Variants in PKD2L2 observed in about 807,000 individuals in gnomAD.
The protein encoded by PKD2L2 is polycystin-2-like protein 2.
PKD2L2 carries 67 observed loss-of-function variants against 83.9 expected under a neutral mutation model. The observed-to-expected ratio is 0.80, with a 90% CI of 0.66 to 0.98. PKD2L2 has a LOEUF of 0.98. Among genes scored for constraint, PKD2L2 ranks in the 50% least tolerant of loss-of-function variants. PKD2L2 has a pLI of 0.00. For missense variants in PKD2L2, 632 were observed against 717.2 expected (o/e 0.88, Z 1.36); for synonymous variants, 223 against 237.8 (o/e 0.94, Z 0.57).
chr5:137,917,013 T>C (rs1758420916), intron 8 of PKD2L2, among the ~76,000 whole-genome samples: 1 of 152,150 alleles, frequency 6.6e-6, no homozygotes, highest in African/African-American at 2.4e-5. Context: ...ATTCATATTG[T>C]TCATCAAACT....
Position 137,899,545 on chromosome 5 carries a change from C to G in PKD2L2, c.554C>G (p.Ser185Cys), listed in dbSNP as rs762411539. 2.5e-6 allele frequency: 4 copies of G among 1,610,734 alleles called. No individual in the cohort carries two copies. In the East Asian group the frequency reaches 6.7e-5, roughly 27 times the overall value. ...EWRYSTSNTN[S>C]PWHWGFLGVY... is the part of the protein sequence containing the mutation. ...AGATATTCTACTTCTAATACCAACT[C>G]CCCTTGGCACTGGGGATTTCTTGGT... The change falls in exon 5 of 15, where the codon TCC becomes TGC. Residue 185 changes from serine to cysteine, a missense_variant. Ser to Cys is a moderately radical substitution (Grantham distance 112, BLOSUM62 -1). Around this residue, in one of 3 missense-constraint regions of PKD2L2, gnomAD observed 229 missense variants for 281.5 expected, o/e 0.81. Coordinates refer to ENST00000508883, the MANE Select transcript of PKD2L2 (RefSeq NM_001300921.2).
intron 14 of PKD2L2, chr5:137,938,484 G>T (rs1760770238): frequency 6.6e-6 from 1 of 152,532 alleles, no homozygotes; most frequent in Admixed American, 6.5e-5. Context: ...CTGCATGATG[G>T]ATTCAAATAA....
intron 8 of PKD2L2, among the ~76,000 whole-genome samples, chr5:137,916,124 C>T (rs1448329451): frequency 1.3e-5 from 2 of 151,624 alleles, no homozygotes; most frequent in Non-Finnish European, 2.9e-5. Context: ...CCCACCTTGG[C>T]GTCCCAAAGT....
chr5:137,940,655 T>A (rs1761432385), intron 14 of PKD2L2, among the ~76,000 whole-genome samples: 1 of 152,160 alleles, frequency 6.6e-6, no homozygotes, highest in Non-Finnish European at 1.5e-5. Flanking sequence ...GGTCTGTGAG[T>A]GTCTATTAAG....
intron 4 of PKD2L2, among the ~76,000 whole-genome samples, chr5:137,899,110 G>GTTTGTTTTTGGT (rs1289018507): frequency 6.6e-6 from 1 of 151,886 alleles, no homozygotes; most frequent in Non-Finnish European, 1.5e-5. Context: ...TTGGTTTTTT[G>GTTTGTTTTTGGT]TTTGTTTTTG....
intron 5 of PKD2L2, among the ~76,000 whole-genome samples, chr5:137,901,704 A>G (rs1362773672): frequency 1.3e-5 from 2 of 152,100 alleles, no homozygotes; most frequent in African/African-American, 4.8e-5. Flanking sequence ...CCCAAACACA[A>G]CATCTCTAAT....
chr5:137,907,953 A>C (rs1330378644), intron 7 of PKD2L2, 41 bp downstream of exon 7: 11 of 841,720 alleles, frequency 1.3e-5, no homozygotes, highest in African/African-American at 1.7e-5. Context: ...AAGCAGTGTA[A>C]TAGCATAATG....
At chr5:137,940,103 A>T in intron 14 of PKD2L2, 1 of 1,614,178 alleles carries the variant, frequency 6.2e-7, no homozygotes, top group Non-Finnish European at 8.5e-7. Flanking sequence ...CACCACAACC[A>T]AGTACAAAAT....
intron 12 of PKD2L2, among the ~76,000 whole-genome samples, chr5:137,928,957 G>T (rs1759611448): frequency 6.6e-6 from 1 of 152,114 alleles, no homozygotes; most frequent in East Asian, 1.9e-4. Flanking sequence ...AATGGTCAAA[G>T]TTTAATTGAC....
At chr5:137,889,782 T>C (rs533119989) in intron 1 of PKD2L2, among the ~76,000 whole-genome samples, 19 of 152,194 alleles carry the variant, frequency 1.2e-4, no homozygotes, top group Non-Finnish European at 1.5e-4. Context: ...TGACCGTCGC[T>C]AGGCCGGTCT....
At chr5:137,908,009 A>C in intron 7 of PKD2L2, 97 bp downstream of exon 7, 1 of 556,128 alleles carries the variant, frequency 1.8e-6, no homozygotes, top group Non-Finnish European at 2.9e-6. Context: ...TTTTTCAACT[A>C]TTAAGTAATT....
At position 137,892,797 on chromosome 5, in the gene PKD2L2, A is replaced by T. The variant is rs566174092; in HGVS notation, c.267+184A>T. Among the ~76,000 whole-genome samples the T allele has an allele frequency of 4.6e-5, 7 of 152,324 alleles. 1 individual carries two copies. In the South Asian group the frequency reaches 1.5e-3, roughly 32 times the overall value. ...GAGCCTGTGTTCTCAGTTTGATACT[A>T]TTCTTGTAATTTTTTAAAAAATTTT... On this transcript the variant is annotated intron_variant, in intron 3 of 14. Coordinates refer to ENST00000508883, the MANE Select transcript of PKD2L2 (RefSeq NM_001300921.2).
In PKD2L2 at chr5:137,902,314, T is replaced by A. The variant is rs113525273; in HGVS notation, c.746+2577T>A. On this transcript the variant is annotated intron_variant, in intron 5 of 14. Coordinates refer to ENST00000508883, the MANE Select transcript of PKD2L2 (RefSeq NM_001300921.2). The stretch of plus-strand genomic sequence containing the variant: ...AAATGAAAAAAAAAAGTCAGAAAAA[T>A]TACTATGTAAAATCTGTAAAGTTTC... 2.4e-4 allele frequency among the ~76,000 whole-genome samples: 36 copies of A among 151,714 alleles called. 2 individuals carry two copies. The highest frequency in any genetic ancestry group is 8.0e-4 in the African/African-American group (33 of 41,376).
chr5:137,919,730 G>A (rs2150041839), intron 8 of PKD2L2, among the ~76,000 whole-genome samples: 1 of 152,306 alleles, frequency 6.6e-6, no homozygotes, highest in African/African-American at 2.4e-5. Flanking sequence ...TCAGGTCTCA[G>A]CTAGGTACCG....
intron 4 of PKD2L2, among the ~76,000 whole-genome samples, chr5:137,897,528 T>C (rs1399128574): frequency 6.6e-6 from 1 of 152,210 alleles, no homozygotes; most frequent in Non-Finnish European, 1.5e-5. Flanking sequence ...AAATTAACAC[T>C]ATCAATTAGG....
At chr5:137,929,581 TAAAATA>T (rs1759694145) in intron 12 of PKD2L2, among the ~76,000 whole-genome samples, 1 of 55,920 alleles carries the variant, frequency 1.8e-5, no homozygotes, top group Non-Finnish European at 3.9e-5. Context: ...GTAAAAGACT[TAAAATA>T]TAAATATAAA....
rs1580882964 is a variant in PKD2L2, at chr5:137,892,619, G to A, written c.267+6G>A. 7 of 1,610,138 alleles carry A rather than the reference G, an allele frequency of 4.3e-6. No homozygotes were observed. The highest frequency in any genetic ancestry group is 5.1e-6 in the Non-Finnish European group (6 of 1,178,646). Reference sequence around the variant, plus strand: ...GCATAACTGATTTTTGGAAGGTAAAGTATCTTGTGACTGTGGATGAAGTAG... The same window carrying A: ...GCATAACTGATTTTTGGAAGGTAAAATATCTTGTGACTGTGGATGAAGTAG... On this transcript the variant is annotated splice_donor_region_variant and intron_variant, in intron 3 of 14. Transcript: ENST00000508883.
chr5:137,917,168 T>TC (rs1003327798), intron 8 of PKD2L2, among the ~76,000 whole-genome samples: 3 of 149,408 alleles, frequency 2.0e-5, no homozygotes, highest in African/African-American at 7.4e-5. Flanking sequence ...TTTTCTTTTT[T>TC]TTTTTTTTTT....
At position 137,928,048 on chromosome 5, in the gene PKD2L2, T is replaced by C. The variant is rs559125550; in HGVS notation, c.1671+2119T>C. On this transcript the variant is annotated intron_variant, in intron 12 of 14. Coordinates refer to ENST00000508883, the MANE Select transcript of PKD2L2 (RefSeq NM_001300921.2). ...TATCCAAGTAAAATTTGGGTTTACT[T>C]AAAGAAAATCAGGTTAGCATAACAA... 3.3e-5 allele frequency among the ~76,000 whole-genome samples: 5 copies of C among 152,252 alleles called. No individual in the cohort carries two copies. In the South Asian group the frequency reaches 8.3e-4, roughly 25 times the overall value.
Sources: gnomAD v4.1 joint callset for allele counts (sites outside exome capture counted in the v4.1 genomes callset) on GRCh38, gnomAD v4.1.1 for gene constraint, gnomAD v4.1.1 regional missense constraint, MANE v1.5 for transcripts, NCBI Gene and HGNC (gene_info 2026-07-23, HGNC 2026-07-21) for gene names.